SLC16A2: variants seen among roughly 807,000 people sequenced by gnomAD.
The protein encoded by SLC16A2 is monocarboxylate transporter 8.
A neutral mutation model predicts 27.2 loss-of-function variants in SLC16A2; 3 were observed. That is an observed-to-expected ratio of 0.11 (90% CI 0.05 to 0.28). SLC16A2 has a LOEUF of 0.28. Among genes scored for constraint, SLC16A2 ranks in the 10% least tolerant of loss-of-function variants. The pLI, the probability that SLC16A2 is intolerant of heterozygous loss-of-function variation, is 1.00. For missense variants in SLC16A2, 295 were observed against 458.5 expected (o/e 0.64, Z 3.26); for synonymous variants, 202 against 187.8 (o/e 1.08, Z -0.62).
chrX:74,503,056 G>A (rs1440424915), intron 1 of SLC16A2, among the ~76,000 whole-genome samples: 1 of 109,606 alleles, frequency 9.1e-6, no homozygotes, highest in African/African-American at 3.3e-5. Flanking sequence ...AAATGTGTTT[G>A]CAACCTTTCC....
intron 4 of SLC16A2, 115 bp from the exon 5 acceptor site, chrX:74,529,098 C>A: frequency 1.9e-6 from 1 of 527,360 alleles, no homozygotes; most frequent in East Asian, 3.6e-5. Flanking sequence ...GACACCTTCC[C>A]CCTCCCACCA....
chrX:74,468,436 A>T (rs922184803), intron 1 of SLC16A2, among the ~76,000 whole-genome samples: 1 of 112,145 alleles, frequency 8.9e-6, no homozygotes, highest in African/African-American at 3.2e-5. Flanking sequence ...CATAGCATGT[A>T]TTAGCAACAA....
intron 1 of SLC16A2, among the ~76,000 whole-genome samples, chrX:74,440,005 T>A (rs1202427772): frequency 9.0e-6 from 1 of 111,493 alleles, no homozygotes; most frequent in East Asian, 2.8e-4. Context: ...TTGTTTTGCT[T>A]ATTTGCAAGG....
chrX:74,486,218 C>T (rs191430992), intron 1 of SLC16A2, among the ~76,000 whole-genome samples: 10 of 111,950 alleles, frequency 8.9e-5, no homozygotes, highest in African/African-American at 1.6e-4. Flanking sequence ...AAGGTGGGTG[C>T]GGTCACCTTC....
intron 1 of SLC16A2, among the ~76,000 whole-genome samples, chrX:74,474,766 G>A (rs772697865): frequency 9.0e-6 from 1 of 110,795 alleles, no homozygotes; most frequent in East Asian, 2.8e-4. Context: ...TGCTGAGAAT[G>A]ATGGTTTTCA....
intron 1 of SLC16A2, among the ~76,000 whole-genome samples, chrX:74,502,506 A>G (rs1478727897): frequency 1.8e-5 from 2 of 112,554 alleles, no homozygotes; most frequent in African/African-American, 3.2e-5. Flanking sequence ...CTTACAACAC[A>G]TTTATTTTGT....
At chrX:74,427,619 T>A (rs1233166409) in intron 1 of SLC16A2, among the ~76,000 whole-genome samples, 1 of 111,633 alleles carries the variant, frequency 9.0e-6, no homozygotes, top group Admixed American at 9.5e-5. Context: ...CCCACCAGCC[T>A]CATTTTATGG....
intron 1 of SLC16A2, among the ~76,000 whole-genome samples, 192 bp from the exon 2 acceptor site, chrX:74,520,798 C>T (rs1020426590): frequency 6.3e-5 from 7 of 111,656 alleles, no homozygotes; most frequent in African/African-American, 2.0e-4. Flanking sequence ...AATCTTACCG[C>T]AGTGATAGAA....
chrX:74,501,806 C>G (rs1426371232), intron 1 of SLC16A2, among the ~76,000 whole-genome samples: 8 of 111,288 alleles, frequency 7.2e-5, no homozygotes, highest in African/African-American at 9.8e-5. Context: ...GTCCTGTGTT[C>G]AAGCACTATC....
chrX:74,442,571 A>G (rs1928770748), intron 1 of SLC16A2, among the ~76,000 whole-genome samples: 1 of 112,116 alleles, frequency 8.9e-6, no homozygotes, highest in Non-Finnish European at 1.9e-5. Flanking sequence ...AGCATTTACT[A>G]TGTACCTAAC....
intron 1 of SLC16A2, among the ~76,000 whole-genome samples, chrX:74,481,119 G>A (rs1602125182): frequency 9.0e-6 from 1 of 111,319 alleles, no homozygotes; most frequent in African/African-American, 3.3e-5. Flanking sequence ...ATATGTAACT[G>A]GAGTTAATTT....
chrX:74,421,536 GGCA>G lies in SLC16A2; in HGVS notation c.-93_-91del, dbSNP rs754200281. On this transcript the variant is annotated 5_prime_UTR_variant, in exon 1 of 6. Transcript: ENST00000587091. ...GCCTGGAGGAGGAGGCAGCGGCAGCGGCAGCAGCAGCCCTCCGAGCAGCAGCAG... is the reference window on the plus strand; with the variant it reads ...GCCTGGAGGAGGAGGCAGCGGCAGCGGCAGCAGCCCTCCGAGCAGCAGCAG... 7.6e-6 allele frequency: 8 copies of G among 1,052,675 alleles called. No individual in the cohort carries two copies. In the South Asian group the frequency reaches 1.4e-4, roughly 18 times the overall value. The allele number at this position is 1,052,675 out of a possible 1,213,427, so 86.8% of individuals were successfully genotyped here.
intron 2 of SLC16A2, among the ~76,000 whole-genome samples, chrX:74,521,807 C>G (rs1057462236): frequency 8.9e-6 from 1 of 112,239 alleles, no homozygotes; most frequent in Non-Finnish European, 1.9e-5. Flanking sequence ...TACTGAGATA[C>G]AAACCCAGAA....
At chrX:74,482,213 C>T (rs1454141562) in intron 1 of SLC16A2, among the ~76,000 whole-genome samples, 4 of 111,517 alleles carry the variant, frequency 3.6e-5, no homozygotes, top group Non-Finnish European at 5.7e-5. Flanking sequence ...TTTTCTCTTG[C>T]TACTTTTAAA....
At chrX:74,471,324 A>C in intron 1 of SLC16A2, among the ~76,000 whole-genome samples, 1 of 112,064 alleles carries the variant, frequency 8.9e-6, no homozygotes, top group East Asian at 2.8e-4. Context: ...AATGAAAGAC[A>C]GTTATTATAA....
intron 1 of SLC16A2, among the ~76,000 whole-genome samples, chrX:74,440,235 T>C (rs1238770750): frequency 9.0e-6 from 1 of 111,426 alleles, no homozygotes; most frequent in East Asian, 2.8e-4. Flanking sequence ...GAAAGAGAAC[T>C]CTATTAACAT....
At chrX:74,515,899 A>G (rs866858732) in intron 1 of SLC16A2, among the ~76,000 whole-genome samples, 2 of 112,046 alleles carry the variant, frequency 1.8e-5, no homozygotes, top group Non-Finnish European at 3.8e-5. Context: ...CCTACCCTAA[A>G]AGAATAGCTA....
intron 1 of SLC16A2, among the ~76,000 whole-genome samples, chrX:74,460,443 C>T (rs1356321067): frequency 1.8e-5 from 2 of 111,769 alleles, no homozygotes; most frequent in East Asian, 2.8e-4. Flanking sequence ...TGCAGTCTCA[C>T]GTCTTCCCTA....
rs143301710 is a variant in SLC16A2 at position 74,475,861 on chromosome X, C to T, written c.431-45129C>T. On this transcript the variant is annotated intron_variant, in intron 1 of 5. Transcript: ENST00000587091. ...CTATATCTCTGTTTTGGTACCAGTA[C>T]CATGCTGTTTTGGTTACTGTAGCCC... Among the ~76,000 whole-genome samples the T allele has an allele frequency of 2.2e-3, 250 of 111,599 alleles. 1 individual carries two copies. The highest frequency in any genetic ancestry group is 7.7e-3 in the African/African-American group (237 of 30,699).
Sources: allele counts gnomAD v4.1 joint callset (sites outside exome capture counted in the v4.1 genomes callset), GRCh38; gene constraint gnomAD v4.1.1; transcripts MANE v1.5; gene names NCBI Gene and HGNC (gene_info 2026-07-23, HGNC 2026-07-21).